The following SORCS1 variants were observed in gnomAD, a reference collection of about 807,000 sequenced individuals.
SORCS1 encodes the protein sortilin related VPS10 domain containing receptor 1, also known as VPS10 domain-containing receptor SorCS1.
A neutral mutation model predicts 146.1 loss-of-function variants in SORCS1; 60 were observed. That is an observed-to-expected ratio of 0.41 (90% confidence interval 0.33 to 0.51). SORCS1 has a LOEUF of 0.51. SORCS1 is among the 20% of genes least tolerant of loss of function. The pLI is 0.21. For missense variants in SORCS1, 1,352 were observed against 1,487.6 expected (o/e 0.91, Z 1.50); for synonymous variants, 637 against 584.0 (o/e 1.09, Z -1.31).
chr10:106,902,871 G>A (rs997383901), intron 2 of SORCS1, among the ~76,000 whole-genome samples: 5 of 152,226 alleles, frequency 3.3e-5, no homozygotes, highest in Non-Finnish European at 7.3e-5. Flanking sequence ...AAGGTCAGGA[G>A]ATTGAGATCA....
chr10:106,951,029 T>C (rs1249362978), intron 2 of SORCS1, among the ~76,000 whole-genome samples: 1 of 152,174 alleles, frequency 6.6e-6, no homozygotes, highest in African/African-American at 2.4e-5. Context: ...GCAACACTTA[T>C]CTCATATTTT....
intron 1 of SORCS1, among the ~76,000 whole-genome samples, chr10:107,040,888 T>C (rs1243940141): frequency 6.6e-6 from 1 of 152,194 alleles, no homozygotes; most frequent in Non-Finnish European, 1.5e-5. Context: ...ATGTATCTCC[T>C]GGTATCTATC....
At chr10:107,167,202 C>G (rs1214904456), upstream of SORCS1, among the ~76,000 whole-genome samples, 1 of 152,170 alleles carries the variant, frequency 6.6e-6, no homozygotes, top group Admixed American at 6.5e-5. Context: ...TGGCTCTGCT[C>G]CCCGTTTACT....
At position 107,113,258 on chromosome 10, in the gene SORCS1, A is replaced by G. The variant is rs116993582; in HGVS notation, c.558+50711T>C. Among the ~76,000 whole-genome samples, 503 of 152,334 alleles carry G rather than the reference A, an allele frequency of 3.3e-3. 2 individuals carry two copies. Among genetic ancestry groups the G allele is most frequent in the Non-Finnish European group, 5.7e-3 (385 of 68,020 alleles). ...TAAACAACATACTGTTGAACAATCA[A>G]TGGTTCAAAGAAAAAAATCAAAATA... On this transcript the variant is annotated intron_variant, in intron 1 of 25. Transcript: ENST00000263054.
intron 24 of SORCS1, among the ~76,000 whole-genome samples, chr10:106,581,589 T>C (rs1844918505): frequency 2.6e-5 from 4 of 151,948 alleles, no homozygotes; most frequent in Admixed American, 2.0e-4. Flanking sequence ...TATGTATGTG[T>C]GCATGCAAAC....
intron 5 of SORCS1, among the ~76,000 whole-genome samples, chr10:106,753,074 GA>G (rs796542801): frequency 9.3e-4 from 132 of 142,682 alleles, no homozygotes; most frequent in African/African-American, 1.3e-3. Context: ...GAGTATCTTG[GA>G]AAAAAAAAAA....
At chr10:106,688,875 C>T (rs186241230) in intron 9 of SORCS1, among the ~76,000 whole-genome samples, 7 of 152,320 alleles carry the variant, frequency 4.6e-5, no homozygotes, top group East Asian at 1.9e-4. Context: ...CACAACTCTG[C>T]GGCTTCACAG....
chr10:106,812,040 G>T (rs1395063275), intron 3 of SORCS1, among the ~76,000 whole-genome samples: 1 of 152,024 alleles, frequency 6.6e-6, no homozygotes, highest in Non-Finnish European at 1.5e-5. Flanking sequence ...TAGCTCTGTC[G>T]CCCAGGCTGG....
At chr10:107,010,733 T>A (rs942442346) in intron 1 of SORCS1, among the ~76,000 whole-genome samples, 1 of 152,210 alleles carries the variant, frequency 6.6e-6, no homozygotes, top group African/African-American at 2.4e-5. Context: ...AAGTTGGCGG[T>A]CCCCTTCCTT....
intron 1 of SORCS1, among the ~76,000 whole-genome samples, chr10:106,994,804 C>A (rs569750232): frequency 6.6e-6 from 1 of 152,176 alleles, no homozygotes; most frequent in South Asian, 2.1e-4. Flanking sequence ...GAGGCAATAA[C>A]TCATTGAGAG....
intron 5 of SORCS1, among the ~76,000 whole-genome samples, chr10:106,759,596 G>A (rs1329311465): frequency 6.6e-6 from 1 of 152,100 alleles, no homozygotes; most frequent in African/African-American, 2.4e-5. Flanking sequence ...AAACTTAAAA[G>A]CCACAGTTAA....
chr10:106,824,331 C>T (rs997988934), intron 3 of SORCS1, among the ~76,000 whole-genome samples: 35 of 148,340 alleles, frequency 2.4e-4, no homozygotes, highest in African/African-American at 8.8e-4. Context: ...GTGGCCCACA[C>T]CTGTAATCCC....
intron 2 of SORCS1, among the ~76,000 whole-genome samples, chr10:106,877,679 T>C (rs1042733565): frequency 1.3e-5 from 2 of 152,142 alleles, no homozygotes; most frequent in Non-Finnish European, 2.9e-5. Context: ...AATATGCCGG[T>C]CCTGACAGAA....
chr10:106,958,562 G>GA lies in SORCS1; in HGVS notation c.559-1983dup, dbSNP rs922991718. 1.2e-4 allele frequency among the ~76,000 whole-genome samples: 18 copies of GA among 151,372 alleles called. No homozygotes were observed. In the East Asian group the frequency reaches 1.7e-3, roughly 15 times the overall value. On this transcript the variant is annotated intron_variant, in intron 1 of 25. Coordinates refer to ENST00000263054, the MANE Select transcript of SORCS1 (RefSeq NM_052918.5). ...ACCTTAGGTTTGTTCTGAGTTCAAGGAAAAAAAAATTACAGTAACTTAAAA... is the reference window on the plus strand; with the variant it reads ...ACCTTAGGTTTGTTCTGAGTTCAAGGAAAAAAAAAATTACAGTAACTTAAAA...
chr10:106,808,680 T>A (rs991805635), intron 3 of SORCS1, among the ~76,000 whole-genome samples: 2 of 152,032 alleles, frequency 1.3e-5, no homozygotes, highest in Non-Finnish European at 2.9e-5. Context: ...TTTTTTGTAT[T>A]TTTAGTAGAG....
At chr10:106,683,212 A>C (rs1564853956) in intron 10 of SORCS1, among the ~76,000 whole-genome samples, 1 of 152,236 alleles carries the variant, frequency 6.6e-6, no homozygotes, top group Non-Finnish European at 1.5e-5. Context: ...TACTTTGGCT[A>C]TTCCAAGTGT....
In SORCS1 at chr10:106,919,787, T is replaced by C. The variant is rs146036015; in HGVS notation, c.626+36726A>G. Reference sequence around the variant, plus strand: ...CAACAGAATATGAGTGGAGTGACCATGTATGTCCTGGTTGGCTCAGGACAA... The same window carrying C: ...CAACAGAATATGAGTGGAGTGACCACGTATGTCCTGGTTGGCTCAGGACAA... On this transcript the variant is annotated intron_variant, in intron 2 of 25. Coordinates refer to ENST00000263054, the MANE Select transcript of SORCS1 (RefSeq NM_052918.5). 3.5e-3 allele frequency among the ~76,000 whole-genome samples: 526 copies of C among 152,346 alleles called. 2 individuals carry two copies. The highest frequency in any genetic ancestry group is 0.011 in the African/African-American group (474 of 41,582).
At chr10:106,683,562 C>T (rs1852598475) in intron 10 of SORCS1, among the ~76,000 whole-genome samples, 1 of 152,216 alleles carries the variant, frequency 6.6e-6, no homozygotes, top group South Asian at 2.1e-4. Context: ...CATTTCCCCA[C>T]CATGTAATAA....
intron 1 of SORCS1, among the ~76,000 whole-genome samples, chr10:107,015,348 A>C (rs956555353): frequency 5.3e-5 from 8 of 152,184 alleles, no homozygotes; most frequent in Admixed American, 4.6e-4. Context: ...CATCACACAC[A>C]CACACAAATA....
Sources: gnomAD v4.1 joint callset for allele counts (sites outside exome capture counted in the v4.1 genomes callset) on GRCh38, gnomAD v4.1.1 for gene constraint, MANE v1.5 for transcripts, NCBI Gene and HGNC (gene_info 2026-07-23, HGNC 2026-07-21) for gene names.